Variants in SMOC2 observed in about 807,000 individuals in gnomAD.
The protein encoded by SMOC2 is SPARC-related modular calcium-binding protein 2.
In SMOC2, 39 loss-of-function variants were observed where a neutral mutation model predicts 61.4. That is an observed-to-expected ratio of 0.64 (90% CI 0.49 to 0.83). SMOC2 has a LOEUF of 0.83. Ranked by LOEUF, SMOC2 falls within the 40% of genes least tolerant of loss-of-function variation. SMOC2 has a pLI of 0.00. For missense variants in SMOC2, 556 were observed against 592.9 expected, an observed-to-expected ratio of 0.94 and a Z score of 0.65; for synonymous variants, 247 against 239.9, an observed-to-expected ratio of 1.03 and a Z score of -0.27.
chr6:168,522,328 T>C (rs1783347660), intron 2 of SMOC2, among the ~76,000 whole-genome samples: 1 of 152,208 alleles, frequency 6.6e-6, no homozygotes, highest in African/African-American at 2.4e-5. Context: ...TGAACCATCA[T>C]TTCTACTCCA....
intron 9 of SMOC2, among the ~76,000 whole-genome samples, chr6:168,618,446 A>C: frequency 6.8e-6 from 1 of 146,986 alleles, no homozygotes; most frequent in Non-Finnish European, 1.5e-5. Flanking sequence ...AGAGGCGGGT[A>C]GTGGCATTAG....
At chr6:168,524,581 G>A (rs79382727) in intron 2 of SMOC2, among the ~76,000 whole-genome samples, 1,954 of 152,268 alleles carry the variant, frequency 0.013, 50 homozygotes, top group African/African-American at 0.044. Flanking sequence ...TCTGTACCTC[G>A]TGGAGACCTC....
At chr6:168,460,301 T>C (rs945153225) in intron 1 of SMOC2, among the ~76,000 whole-genome samples, 1 of 152,228 alleles carries the variant, frequency 6.6e-6, no homozygotes, top group Non-Finnish European at 1.5e-5. Context: ...AAAGGAATTC[T>C]ACAAGCAATG....
At chr6:168,571,907 C>T (rs536658788) in intron 7 of SMOC2, among the ~76,000 whole-genome samples, 5 of 62,462 alleles carry the variant, frequency 8.0e-5, no homozygotes, top group African/African-American at 2.7e-4. Context: ...TGCGTGCTCC[C>T]TGAACGCGAT....
At chr6:168,444,195 G>A (rs1018888775) in intron 1 of SMOC2, among the ~76,000 whole-genome samples, 13 of 152,184 alleles carry the variant, frequency 8.5e-5, no homozygotes, top group Non-Finnish European at 1.8e-4. Flanking sequence ...AGCCATGTGG[G>A]ACTCTATAGA....
chr6:168,560,502 ATGTGAGGCTCTCACTG>A lies in SMOC2; in HGVS notation c.637+11300_637+11315del, dbSNP rs1562348135. Among the ~76,000 whole-genome samples, 1,036 of 149,396 alleles carry A rather than the reference ATGTGAGGCTCTCACTG, an allele frequency of 6.9e-3. 117 individuals are homozygous for A. The highest frequency in any genetic ancestry group is 0.014 in the East Asian group (73 of 5,132). On this transcript the variant is annotated intron_variant, in intron 7 of 12. Transcript: ENST00000356284. ...CTGTGCCCACCTTTCTGGCCCTGAG[ATGTGAGGCTCTCACTG>A]CGTTCTTGGAGGAGGTGTCATTTTC...
At chr6:168,519,018 T>C (rs1783246133) in intron 2 of SMOC2, among the ~76,000 whole-genome samples, 1 of 102,924 alleles carries the variant, frequency 9.7e-6, no homozygotes, top group Admixed American at 9.2e-5. Flanking sequence ...TATGCGTGCA[T>C]GCGAACATGT....
At chr6:168,558,876 TGTGC>T (rs1784317507) in intron 7 of SMOC2, among the ~76,000 whole-genome samples, 1 of 149,380 alleles carries the variant, frequency 6.7e-6, no homozygotes, top group African/African-American at 2.5e-5. Context: ...TGTGCATGTG[TGTGC>T]GTGTGTGCGT....
intron 2 of SMOC2, among the ~76,000 whole-genome samples, chr6:168,514,761 G>T (rs978204371): frequency 6.6e-6 from 1 of 152,202 alleles, no homozygotes; most frequent in East Asian, 1.9e-4. Flanking sequence ...TTTTCTTGCC[G>T]TGTTCCCTTA....
At chr6:168,603,242 CTTTTTTTTTT>C (rs35236951) in intron 8 of SMOC2, among the ~76,000 whole-genome samples, 2 of 96,364 alleles carry the variant, frequency 2.1e-5, no homozygotes, top group African/African-American at 7.5e-5. Flanking sequence ...TCAATTAAAC[CTTTTTTTTTT>C]TTTTTTTTTT....
At chr6:168,463,021 G>A (rs1232866601) in intron 1 of SMOC2, among the ~76,000 whole-genome samples, 1 of 152,220 alleles carries the variant, frequency 6.6e-6, no homozygotes, top group African/African-American at 2.4e-5. Flanking sequence ...ACATTTGTTT[G>A]AGGACAATCT....
intron 7 of SMOC2, among the ~76,000 whole-genome samples, chr6:168,568,997 A>G (rs1049190785): frequency 2.0e-5 from 3 of 152,222 alleles, no homozygotes; most frequent in African/African-American, 7.2e-5. Flanking sequence ...AATTATGAAT[A>G]AAGCTGCTAG....
intron 9 of SMOC2, among the ~76,000 whole-genome samples, chr6:168,637,450 A>C (rs1786768185): frequency 6.6e-6 from 1 of 152,196 alleles, no homozygotes; most frequent in Non-Finnish European, 1.5e-5. Flanking sequence ...TGTTTCATTT[A>C]ATGGAATATG....
intron 4 of SMOC2, among the ~76,000 whole-genome samples, chr6:168,540,840 G>T (rs1417886409): frequency 6.6e-6 from 1 of 151,998 alleles, no homozygotes; most frequent in Non-Finnish European, 1.5e-5. Flanking sequence ...TGAGCCGCAG[G>T]CTTGTTTAGC....
intron 9 of SMOC2, among the ~76,000 whole-genome samples, chr6:168,628,241 G>A (rs187407734): frequency 2.0e-4 from 30 of 152,306 alleles, no homozygotes; most frequent in Admixed American, 9.8e-4. Context: ...AAAGGGCCTC[G>A]TCGAGACATA....
At chr6:168,509,595 A>G (rs1782957402) in intron 1 of SMOC2, among the ~76,000 whole-genome samples, 1 of 152,150 alleles carries the variant, frequency 6.6e-6, no homozygotes, top group Admixed American at 6.5e-5. Context: ...TCACAAAAGG[A>G]AAACATTGCT....
At chr6:168,550,631 G>A (rs571183096) in intron 7 of SMOC2, among the ~76,000 whole-genome samples, 1 of 152,288 alleles carries the variant, frequency 6.6e-6, no homozygotes, top group South Asian at 2.1e-4. Flanking sequence ...TCTTAGCTGT[G>A]TGGCATCTTC....
chr6:168,554,703 C>T (rs1214603303), intron 7 of SMOC2, among the ~76,000 whole-genome samples: 1 of 152,212 alleles, frequency 6.6e-6, no homozygotes, highest in East Asian at 1.9e-4. Context: ...ATTTGGTGTT[C>T]GTGGCCCACT....
chr6:168,599,508 TCA>T (rs140540390), intron 8 of SMOC2, among the ~76,000 whole-genome samples: 12 of 54,570 alleles, frequency 2.2e-4, no homozygotes, highest in African/African-American at 5.6e-4. Context: ...CCACTGACAC[TCA>T]CACACACACT....
Sources: allele counts gnomAD v4.1 joint callset (sites outside exome capture counted in the v4.1 genomes callset), GRCh38; gene constraint gnomAD v4.1.1; transcripts MANE v1.5; gene names NCBI Gene and HGNC (gene_info 2026-07-23, HGNC 2026-07-21).